ADCY2: variants seen among roughly 807,000 people sequenced by gnomAD.
ADCY2 encodes adenylate cyclase 2, also known as adenylate cyclase type 2.
ADCY2 carries 31 observed loss-of-function variants against 125.2 expected under a neutral mutation model. The ratio of observed to expected loss-of-function variants is 0.25; its 90% CI spans 0.19 to 0.33. The LOEUF (loss-of-function observed/expected upper bound fraction) is 0.33, where lower values mean the gene tolerates loss of function less well. Among genes scored for constraint, ADCY2 ranks in the 10% least tolerant of loss-of-function variants. ADCY2 has a pLI of 1.00. For missense variants in ADCY2, 904 were observed against 1,418.2 expected (o/e 0.64, Z 5.82); for synonymous variants, 512 against 548.4 (o/e 0.93, Z 0.93).
At chr5:7,435,669 A>G (rs76041815) in intron 2 of ADCY2, among the ~76,000 whole-genome samples, 1,636 of 152,330 alleles carry the variant, frequency 0.011, 39 homozygotes, top group African/African-American at 0.038. Context: ...ATACCAGCTT[A>G]GGTTTCTTTC....
intron 4 of ADCY2, among the ~76,000 whole-genome samples, chr5:7,657,621 C>A (rs1325581435): frequency 3.3e-5 from 5 of 152,168 alleles, no homozygotes; most frequent in African/African-American, 7.2e-5. Context: ...AATGCATAAA[C>A]AAAGTACTTA....
At chr5:7,675,627 C>A (rs1405962802) in intron 4 of ADCY2, among the ~76,000 whole-genome samples, 1 of 152,216 alleles carries the variant, frequency 6.6e-6, no homozygotes, top group African/African-American at 2.4e-5. Flanking sequence ...ATTCCTTTAA[C>A]CCTGCGATCC....
At chr5:7,410,129 T>G (rs1180221818) in intron 1 of ADCY2, among the ~76,000 whole-genome samples, 1 of 152,192 alleles carries the variant, frequency 6.6e-6, no homozygotes, top group Non-Finnish European at 1.5e-5. Flanking sequence ...TCTGGATGAC[T>G]GCATGTGAAG....
At chr5:7,629,394 T>C (rs1338026280) in intron 4 of ADCY2, among the ~76,000 whole-genome samples, 1 of 152,194 alleles carries the variant, frequency 6.6e-6, no homozygotes, top group Non-Finnish European at 1.5e-5. Flanking sequence ...CAAAACTCCA[T>C]GCTGTCTTTT....
intron 2 of ADCY2, among the ~76,000 whole-genome samples, chr5:7,515,288 G>A (rs970769438): frequency 5.9e-5 from 9 of 152,242 alleles, no homozygotes; most frequent in African/African-American, 9.6e-5. Context: ...AGTGGTGACA[G>A]TGTTCATGTT....
intron 2 of ADCY2, among the ~76,000 whole-genome samples, chr5:7,452,255 C>A (rs1394176156): frequency 6.6e-6 from 1 of 152,130 alleles, no homozygotes; most frequent in Non-Finnish European, 1.5e-5. Flanking sequence ...CTCCTGCCCT[C>A]CCCATTTCTG....
At chr5:7,817,122 G>A in intron 23 of ADCY2, 142 bp downstream of exon 23, 1 of 663,546 alleles carries the variant, frequency 1.5e-6, no homozygotes. Context: ...ATGACAGAAG[G>A]AAGGACACTT....
intron 13 of ADCY2, among the ~76,000 whole-genome samples, chr5:7,725,885 C>G (rs1741914671): frequency 6.6e-6 from 1 of 152,200 alleles, no homozygotes; most frequent in South Asian, 2.1e-4. Flanking sequence ...TTTAAAAATG[C>G]AGCTTTACAT....
intron 3 of ADCY2, among the ~76,000 whole-genome samples, chr5:7,562,331 T>A (rs1735732302): frequency 6.6e-6 from 1 of 152,148 alleles, no homozygotes; most frequent in Non-Finnish European, 1.5e-5. Flanking sequence ...TCTATGTATC[T>A]GACGAAGTTA....
At chr5:7,662,733 C>T (rs370422363) in intron 4 of ADCY2, among the ~76,000 whole-genome samples, 6 of 152,176 alleles carry the variant, frequency 3.9e-5, no homozygotes, top group South Asian at 2.1e-4. Context: ...CTGTTGCACA[C>T]GGACCACCCT....
intron 2 of ADCY2, among the ~76,000 whole-genome samples, chr5:7,421,188 A>T (rs1038138277): frequency 6.6e-6 from 1 of 152,216 alleles, no homozygotes; most frequent in African/African-American, 2.4e-5. Flanking sequence ...ATGGGTAGAC[A>T]TTGGATCTGT....
chr5:7,460,028 C>T (rs1303307595), intron 2 of ADCY2, among the ~76,000 whole-genome samples: 1 of 151,816 alleles, frequency 6.6e-6, no homozygotes, highest in Non-Finnish European at 1.5e-5. Flanking sequence ...CCTCGCGATC[C>T]ACCTGTCTCA....
At position 7,669,170 on chromosome 5, in the gene ADCY2, G is replaced by A. The variant is rs534459784; in HGVS notation, c.721-21521G>A. On this transcript the variant is annotated intron_variant, in intron 4 of 24. Coordinates refer to ENST00000338316, the MANE Select transcript of ADCY2 (RefSeq NM_020546.3). ...CTGGTAGGAACAAAAGGAATCAAGA[G>A]TGTAGATGAGCCAAGTCCAAATTCC... Among the ~76,000 whole-genome samples, 3 of 152,332 alleles carry A rather than the reference G, an allele frequency of 2.0e-5. No homozygotes were observed. The South Asian group carries it at 6.2e-4, about 32-fold the overall frequency.
At chr5:7,520,706 T>G (rs749714437) in intron 2 of ADCY2, 32 bp from the exon 3 acceptor site, 2 of 1,610,020 alleles carry the variant, frequency 1.2e-6, no homozygotes, top group South Asian at 2.2e-5. Context: ...GAATATTTGG[T>G]GACTCTTATT....
At chr5:7,821,840 C>G (rs1745311646) in intron 24 of ADCY2, among the ~76,000 whole-genome samples, 1 of 152,148 alleles carries the variant, frequency 6.6e-6, no homozygotes, top group Admixed American at 6.5e-5. Flanking sequence ...GAAGGGAGTT[C>G]AAGGCTGCGT....
intron 8 of ADCY2, among the ~76,000 whole-genome samples, 158 bp downstream of exon 8, chr5:7,707,060 A>G (rs1243996408): frequency 6.6e-6 from 1 of 152,212 alleles, no homozygotes; most frequent in Admixed American, 6.5e-5. Context: ...TTAAGCAGAT[A>G]AAGACGAGCT....
chr5:7,781,143 G>C (rs924361957), intron 18 of ADCY2, among the ~76,000 whole-genome samples: 3 of 152,166 alleles, frequency 2.0e-5, no homozygotes, highest in Non-Finnish European at 4.4e-5. Flanking sequence ...TAACACATGA[G>C]ATCTGAAGTA....
rs188181536 is a variant in ADCY2 at position 7,680,976 on chromosome 5, A to G, written c.721-9715A>G. Among the ~76,000 whole-genome samples, 354 of 152,380 alleles carry G rather than the reference A, an allele frequency of 2.3e-3. 6 individuals are homozygous for G. The highest frequency in any genetic ancestry group is 5.0e-3 in the Admixed American group (77 of 15,310). The stretch of plus-strand genomic sequence containing the variant: ...TACCATGTGCCAGCAACATAGGTAC[A>G]GAAATAGGATATGTATGTGTAGAAA... On this transcript the variant is annotated intron_variant, in intron 4 of 24. Coordinates refer to ENST00000338316, the MANE Select transcript of ADCY2 (RefSeq NM_020546.3).
At chr5:7,776,193 T>TAAAAAAAAAAAAAAAAAAAAAA (rs11332766) in intron 18 of ADCY2, among the ~76,000 whole-genome samples, 1 of 91,530 alleles carries the variant, frequency 1.1e-5, no homozygotes, top group Non-Finnish European at 2.0e-5. Context: ...GTGAGATCCT[T>TAAAAAAAAAAAAAAAAAAAAAA]AAAAAAAAAA....
Sources: allele counts gnomAD v4.1 joint callset (sites outside exome capture counted in the v4.1 genomes callset), GRCh38; gene constraint gnomAD v4.1.1; transcripts MANE v1.5; gene names NCBI Gene and HGNC (gene_info 2026-07-23, HGNC 2026-07-21).